ZFPM2: variants seen among roughly 807,000 people sequenced by gnomAD.
ZFPM2 encodes the protein zinc finger protein ZFPM2.
Under a neutral mutation model 98.6 loss-of-function variants are expected in ZFPM2, and 20 were observed. That is an observed-to-expected ratio of 0.20 (90% CI 0.14 to 0.29). ZFPM2 has a LOEUF of 0.29. Among genes scored for constraint, ZFPM2 ranks in the 10% least tolerant of loss-of-function variants. ZFPM2 has a pLI of 1.00. For missense variants in ZFPM2, 1,310 were observed against 1,388.6 expected, an observed-to-expected ratio of 0.94 and a Z score of 0.90; for synonymous variants, 518 against 502.7, an observed-to-expected ratio of 1.03 and a Z score of -0.41.
At chr8:105,633,100 G>A (rs1816782900) in intron 4 of ZFPM2, among the ~76,000 whole-genome samples, 1 of 152,182 alleles carries the variant, frequency 6.6e-6, no homozygotes, top group African/African-American at 2.4e-5. Flanking sequence ...CATGAGGCAG[G>A]TGAAATGGGT....
At chr8:105,487,798 C>T (rs1586408604) in intron 3 of ZFPM2, among the ~76,000 whole-genome samples, 1 of 152,022 alleles carries the variant, frequency 6.6e-6, no homozygotes, top group East Asian at 1.9e-4. Context: ...CTACATTTGC[C>T]CAGGTTTTAT....
At chr8:105,588,351 A>T (rs1815769922) in intron 4 of ZFPM2, among the ~76,000 whole-genome samples, 1 of 152,020 alleles carries the variant, frequency 6.6e-6, no homozygotes, top group African/African-American at 2.4e-5. Context: ...TCTATGGGAA[A>T]TGTAGAGCAA....
At chr8:105,484,715 G>A (rs1389904559) in intron 3 of ZFPM2, among the ~76,000 whole-genome samples, 1 of 152,096 alleles carries the variant, frequency 6.6e-6, no homozygotes, top group Admixed American at 6.5e-5. Context: ...ATAAGGGCCT[G>A]TCCCTGTTTT....
intron 1 of ZFPM2, among the ~76,000 whole-genome samples, chr8:105,408,500 T>C (rs1490333653): frequency 1.3e-5 from 2 of 151,872 alleles, no homozygotes; most frequent in African/African-American, 4.8e-5. Context: ...CCCCTTCGTC[T>C]TGTTAGGGTT....
At chr8:105,416,481 T>C (rs1323171663) in intron 1 of ZFPM2, among the ~76,000 whole-genome samples, 1 of 151,706 alleles carries the variant, frequency 6.6e-6, no homozygotes, top group Non-Finnish European at 1.5e-5. Flanking sequence ...TTTTATTATA[T>C]ACAGGCTTTT....
intron 5 of ZFPM2, among the ~76,000 whole-genome samples, chr8:105,640,064 T>C (rs1314254661): frequency 1.3e-5 from 2 of 152,076 alleles, no homozygotes; most frequent in Non-Finnish European, 2.9e-5. Context: ...ACGTACATTT[T>C]CTTGCTTACA....
chr8:105,764,471 C>CT (rs1716137262), intron 5 of ZFPM2, among the ~76,000 whole-genome samples: 1 of 151,408 alleles, frequency 6.6e-6, no homozygotes, highest in Admixed American at 6.6e-5. Context: ...CTTATTATGA[C>CT]TTTTTTACTT....
At chr8:105,515,967 C>T (rs1463873615) in intron 3 of ZFPM2, among the ~76,000 whole-genome samples, 1 of 131,996 alleles carries the variant, frequency 7.6e-6, no homozygotes, top group Non-Finnish European at 1.5e-5. Context: ...GCCCAGGCTG[C>T]AGTGCAGTGG....
rs1212898538 is a variant in ZFPM2, at chr8:105,538,214, T to G, written c.302-23149T>G. Among the ~76,000 whole-genome samples, 3 of 152,206 alleles carry G rather than the reference T, an allele frequency of 2.0e-5. No homozygotes were observed. The East Asian group carries it at 5.8e-4, about 29-fold the overall frequency. On this transcript the variant is annotated intron_variant, in intron 3 of 7. Transcript: ENST00000407775. ...ACCCAGGGCAAGTTATTTATTTTCC[T>G]TAAGCCTTTGCTTCTTAATATATAA...
rs1814137805 is a variant in ZFPM2, at chr8:105,804,303, A to G, written c.*765A>G. 6.6e-6 allele frequency: 1 copy of G among 152,634 alleles called. No individual in the cohort carries two copies. Among genetic ancestry groups the G allele is most frequent in the Admixed American group, 6.5e-5 (1 of 15,274 alleles). The allele number at this position is 152,634 out of a possible 1,614,324, so 9.5% of individuals were successfully genotyped here. On this transcript the variant is annotated 3_prime_UTR_variant, in exon 8 of 8. Transcript: ENST00000407775. ...ATTACTGGAAGCAGTATTGTAAGTA[A>G]TGAGGTAGTATTAATCAGTTTTATC...
intron 1 of ZFPM2, among the ~76,000 whole-genome samples, chr8:105,363,838 G>A (rs1810453221): frequency 6.6e-6 from 1 of 152,002 alleles, no homozygotes; most frequent in African/African-American, 2.4e-5. Context: ...TGAGCATATA[G>A]GAAGAAAGAT....
At chr8:105,580,821 C>A (rs71506375) in intron 4 of ZFPM2, among the ~76,000 whole-genome samples, 3,111 of 119,540 alleles carry the variant, frequency 0.026, 35 homozygotes, top group East Asian at 0.046. Flanking sequence ...CTCTCTCTCT[C>A]TCTCTCTATA....
intron 3 of ZFPM2, among the ~76,000 whole-genome samples, chr8:105,515,226 GT>G (rs1183719827): frequency 6.6e-6 from 1 of 152,210 alleles, no homozygotes; most frequent in Non-Finnish European, 1.5e-5. Flanking sequence ...TTAAGATAAA[GT>G]TTTAGTAAAT....
intron 3 of ZFPM2, among the ~76,000 whole-genome samples, chr8:105,540,665 G>A (rs1350653553): frequency 6.6e-6 from 1 of 152,054 alleles, no homozygotes; most frequent in Non-Finnish European, 1.5e-5. Context: ...AACAAACTAT[G>A]TTGCACGTAT....
At chr8:105,658,586 C>CAAAAAAAAAAAAAA (rs773181953) in intron 5 of ZFPM2, among the ~76,000 whole-genome samples, 41 of 7,902 alleles carry the variant, frequency 5.2e-3, no homozygotes, top group Middle Eastern at 0.17. Flanking sequence ...GACTCCGTCT[C>CAAAAAAAAAAAAAA]AAAAAAAAAA....
intron 4 of ZFPM2, among the ~76,000 whole-genome samples, chr8:105,588,896 C>G (rs1247592817): frequency 2.0e-5 from 3 of 152,282 alleles, no homozygotes; most frequent in Admixed American, 2.0e-4. Context: ...TTGGTACTCT[C>G]TCCTCATTGA....
At chr8:105,366,481 G>T (rs1810513944) in intron 1 of ZFPM2, among the ~76,000 whole-genome samples, 1 of 96,058 alleles carries the variant, frequency 1.0e-5, no homozygotes, top group African/African-American at 3.9e-5. Flanking sequence ...TGTATCACAA[G>T]GAGAATTCTT....
chr8:105,410,066 T>G (rs562666424), intron 1 of ZFPM2, among the ~76,000 whole-genome samples: 1 of 151,912 alleles, frequency 6.6e-6, no homozygotes, highest in Admixed American at 6.6e-5. Context: ...TCAGAATGGG[T>G]ATTCTAAAAT....
At chr8:105,518,934 G>A (rs1813993657) in intron 3 of ZFPM2, among the ~76,000 whole-genome samples, 1 of 152,126 alleles carries the variant, frequency 6.6e-6, no homozygotes, top group Non-Finnish European at 1.5e-5. Context: ...ACAAGAAACT[G>A]TTTTGATATG....
Sources: gnomAD v4.1 joint callset for allele counts (sites outside exome capture counted in the v4.1 genomes callset) on GRCh38, gnomAD v4.1.1 for gene constraint, MANE v1.5 for transcripts, NCBI Gene and HGNC (gene_info 2026-07-23, HGNC 2026-07-21) for gene names.